The following LOXL2 variants were observed in gnomAD, a reference collection of about 807,000 sequenced individuals.
The protein encoded by LOXL2 is lysyl oxidase like 2, also known as lysyl oxidase homolog 2.
Under a neutral mutation model 93.0 loss-of-function variants are expected in LOXL2, and 70 were observed. The ratio of observed to expected loss-of-function variants is 0.75; its 90% confidence interval spans 0.62 to 0.92. LOXL2 has a LOEUF of 0.92. Ranked by LOEUF, LOXL2 falls within the 40% of genes least tolerant of loss-of-function variation. The probability of loss-of-function intolerance (pLI) is 0.00; values close to 1 mark genes in which losing one functional copy is unlikely to be tolerated. For synonymous variants in LOXL2, 438 were observed against 413.2 expected, an observed-to-expected ratio of 1.06 and a Z score of -0.73; for missense variants, 973 against 1,054.9, an observed-to-expected ratio of 0.92 and a Z score of 1.08.
intron 3 of LOXL2, among the ~76,000 whole-genome samples, chr8:23,342,433 CTTTTT>C (rs1178917449): frequency 7.3e-6 from 1 of 137,328 alleles, no homozygotes; most frequent in African/African-American, 2.8e-5. Context: ...TTTTCTTTTT[CTTTTT>C]TTTTTTTTTT....
Position 23,368,388 on chromosome 8 carries a change from T to C in LOXL2, c.-37A>G. 6.4e-7 allele frequency: 1 copy of C among 1,570,884 alleles called. No homozygotes were observed. Among genetic ancestry groups the C allele is most frequent in the Non-Finnish European group, 8.7e-7 (1 of 1,148,824 alleles). On this transcript the variant is annotated 5_prime_UTR_variant, in exon 2 of 14. Coordinates refer to ENST00000389131, the MANE Select transcript of LOXL2 (RefSeq NM_002318.3). ...GGCTGATGATCCCACGAAGGGGCCC[T>C]GCGCAGCTGGGAGGGACAGGCGGGG...
intron 2 of LOXL2, among the ~76,000 whole-genome samples, chr8:23,366,326 G>A (rs749257138): frequency 2.6e-5 from 4 of 152,190 alleles, no homozygotes; most frequent in Non-Finnish European, 5.9e-5. Context: ...GGCTCTCATC[G>A]CCCAGAGCAA....
chr8:23,384,774 CA>C (rs1804733419), intron 1 of LOXL2, among the ~76,000 whole-genome samples: 1 of 152,102 alleles, frequency 6.6e-6, no homozygotes. Flanking sequence ...ATTAGCCGGG[CA>C]TGGTGGCAGG....
At chr8:23,335,067 G>A (rs1195132905) in intron 4 of LOXL2, among the ~76,000 whole-genome samples, 24 of 152,140 alleles carry the variant, frequency 1.6e-4, no homozygotes, top group Non-Finnish European at 2.2e-4. Flanking sequence ...TGCCTCCCTC[G>A]GCCTCCCAAA....
At chr8:23,307,941 C>A (rs1289506735) in intron 10 of LOXL2, among the ~76,000 whole-genome samples, 1 of 47,298 alleles carries the variant, frequency 2.1e-5, no homozygotes, top group South Asian at 7.1e-4. Context: ...ACTAGGTCAT[C>A]AGCTGCGATA....
At chr8:23,345,698 G>C (rs143960672) in intron 3 of LOXL2, among the ~76,000 whole-genome samples, 63 of 151,984 alleles carry the variant, frequency 4.1e-4, no homozygotes, top group African/African-American at 1.4e-3. Flanking sequence ...AAAGTGAAAA[G>C]AAAGTGTGAA....
At position 23,398,377 on chromosome 8, in the gene LOXL2, G is replaced by A. The variant is rs181134712; in HGVS notation, c.-84+5577C>T. 3.9e-5 allele frequency among the ~76,000 whole-genome samples: 6 copies of A among 152,254 alleles called. No individual in the cohort carries two copies. The East Asian group carries it at 5.8e-4, about 15-fold the overall frequency. ...TGTGTCTGCTTGTCTGACGTGGATC[G>A]TAGGAATGAAAAAACTAAAAAGAAA... On this transcript the variant is annotated intron_variant, in intron 1 of 13. Transcript: ENST00000389131.
intron 1 of LOXL2, among the ~76,000 whole-genome samples, chr8:23,399,408 G>A (rs1345267456): frequency 6.6e-6 from 1 of 152,230 alleles, no homozygotes; most frequent in African/African-American, 2.4e-5. Context: ...CCTTTAAGAA[G>A]TGGTTGAATC....
At position 23,360,199 on chromosome 8, in the gene LOXL2, T is replaced by A; in HGVS notation, c.422A>T (p.Asn141Ile). The A allele has an allele frequency of 6.2e-7, 1 of 1,614,062 alleles. No homozygotes were observed. Among genetic ancestry groups the A allele is most frequent in the Non-Finnish European group, 8.5e-7 (1 of 1,179,956 alleles). Reference sequence around the variant, plus strand: ...CTTGCAGTCAGTGACGCCCCAGCCATTGGAGGTGCATGCTGCAAGGGTCGC... The same window carrying A: ...CTTGCAGTCAGTGACGCCCCAGCCAATGGAGGTGCATGCTGCAAGGGTCGC... ...NEATLAACTS[N>I]GWGVTDCKHT... The change falls in exon 3 of 14, where the codon AAT becomes ATT. Residue 141 changes from asparagine (N) to isoleucine (I), a missense_variant. Coordinates refer to ENST00000389131, the MANE Select transcript of LOXL2 (RefSeq NM_002318.3).
At chr8:23,393,775 G>A (rs550764694) in intron 1 of LOXL2, among the ~76,000 whole-genome samples, 89 of 152,334 alleles carry the variant, frequency 5.8e-4, no homozygotes, top group Non-Finnish European at 1.2e-3. Context: ...CAGCAGTGGT[G>A]AGGGTGAGAA....
At chr8:23,382,476 C>G (rs1804694001) in intron 1 of LOXL2, 1 of 145,794 alleles carries the variant, frequency 6.9e-6, no homozygotes, top group Non-Finnish European at 1.5e-5. Context: ...AAGATCGTGC[C>G]ACTGTACTCC....
chr8:23,385,355 T>C (rs1585381779), intron 1 of LOXL2, among the ~76,000 whole-genome samples: 1 of 150,720 alleles, frequency 6.6e-6, no homozygotes, highest in East Asian at 2.0e-4. Context: ...CAAGCAATTC[T>C]CCTGCCTCAG....
chr8:23,384,601 C>T (rs1333789824), intron 1 of LOXL2, among the ~76,000 whole-genome samples: 4 of 152,116 alleles, frequency 2.6e-5, no homozygotes, highest in Admixed American at 6.6e-5. Context: ...CTCAGGAAGG[C>T]AGAAGGAGGG....
chr8:23,298,176 G>T, intron 13 of LOXL2, 54 bp from the exon 14 acceptor site: 2 of 1,413,936 alleles, frequency 1.4e-6, no homozygotes, highest in Non-Finnish European at 2.0e-6. Context: ...CTCGGGCCTT[G>T]CCTGACCCTG....
chr8:23,351,822 A>C (rs10096530), intron 3 of LOXL2, among the ~76,000 whole-genome samples: 29,275 of 152,022 alleles, frequency 0.19, 3,805 homozygotes, highest in African/African-American at 0.37. Flanking sequence ...AGAATCGCGG[A>C]ATGTGAGGGC....
intron 12 of LOXL2, among the ~76,000 whole-genome samples, chr8:23,300,726 T>A (rs1211904650): frequency 1.3e-5 from 2 of 152,206 alleles, no homozygotes; most frequent in Non-Finnish European, 2.9e-5. Context: ...GTAATGATGA[T>A]GCCCCTTCCT....
At chr8:23,390,630 G>A (rs1183961381) in intron 1 of LOXL2, among the ~76,000 whole-genome samples, 1 of 152,218 alleles carries the variant, frequency 6.6e-6, no homozygotes, top group Non-Finnish European at 1.5e-5. Context: ...GAAGGCTGAA[G>A]GTACAGTTTC....
chr8:23,305,802 A>T (rs1014127351), intron 10 of LOXL2, among the ~76,000 whole-genome samples: 6 of 146,058 alleles, frequency 4.1e-5, no homozygotes, highest in African/African-American at 1.6e-4. Context: ...TCCAGAGCTC[A>T]ATGCTTTTTT....
intron 6 of LOXL2, among the ~76,000 whole-genome samples, chr8:23,327,752 G>A (rs1161594942): frequency 2.6e-5 from 4 of 152,132 alleles, no homozygotes; most frequent in South Asian, 2.1e-4. Flanking sequence ...CTTCTGTGTC[G>A]TCTTCTAGCT....
Sources: gnomAD v4.1 joint callset for allele counts (sites outside exome capture counted in the v4.1 genomes callset) on GRCh38, gnomAD v4.1.1 for gene constraint, MANE v1.5 for transcripts, NCBI Gene and HGNC (gene_info 2026-07-23, HGNC 2026-07-21) for gene names.